OXCT1: variants seen among roughly 807,000 people sequenced by gnomAD.
The protein encoded by OXCT1 is succinyl-CoA:3-ketoacid coenzyme A transferase 1, mitochondrial.
In OXCT1, 27 loss-of-function variants were observed where a neutral mutation model predicts 69.6. That is an observed-to-expected ratio of 0.39 (90% CI 0.29 to 0.54). The LOEUF (loss-of-function observed/expected upper bound fraction) is 0.54. Ranked by LOEUF, OXCT1 falls within the 20% of genes least tolerant of loss-of-function variation. OXCT1 has a pLI of 0.72. For missense variants in OXCT1, 437 were observed against 650.2 expected, an observed-to-expected ratio of 0.67 and a Z score of 3.57; for synonymous variants, 202 against 217.8, an observed-to-expected ratio of 0.93 and a Z score of 0.64.
chr5:41,744,893 C>G (rs747707805), intron 15 of OXCT1, among the ~76,000 whole-genome samples: 1 of 152,036 alleles, frequency 6.6e-6, no homozygotes, highest in Non-Finnish European at 1.5e-5. Context: ...TATATATGCA[C>G]CCAATACAGG....
At position 41,819,130 on chromosome 5, in the gene OXCT1, T is replaced by A. The variant is rs141380049; in HGVS notation, c.733-11692A>T. Among the ~76,000 whole-genome samples, 1,293 of 152,246 alleles carry A rather than the reference T, an allele frequency of 8.5e-3. 21 individuals carry two copies. Among genetic ancestry groups the A allele is most frequent in the African/African-American group, 0.03 (1,241 of 41,538 alleles). On this transcript the variant is annotated intron_variant, in intron 7 of 16. Coordinates refer to ENST00000196371, the MANE Select transcript of OXCT1 (RefSeq NM_000436.4). ...GACTTTAAAATCATAAGTTATATTC[T>A]TAACACAAACATGAAATAAATCGAT...
chr5:41,759,560 A>C (rs1404623932), intron 14 of OXCT1, among the ~76,000 whole-genome samples: 1 of 152,088 alleles, frequency 6.6e-6, no homozygotes, highest in Non-Finnish European at 1.5e-5. Flanking sequence ...AGGTAGTCTG[A>C]GGGCAGGTGT....
In OXCT1 at chr5:41,862,706, C is replaced by T. The variant is rs1223763692; in HGVS notation, c.123G>A (p.Lys41=). 4.3e-6 allele frequency: 7 copies of T among 1,612,688 alleles called. No individual in the cohort carries two copies. Among genetic ancestry groups the T allele is most frequent in the Admixed American group, 1.7e-5 (1 of 59,930 alleles). Residue 41 remains lysine, a synonymous_variant, in exon 2 of 17, where the codon AAG becomes AAA. Transcript: ENST00000196371. ...SFSTSAHRHT[K]FYTDPVEAVK... Reference sequence around the variant, plus strand: ...CAGCTTCTACTGGATCTGTATAAAACTTGGTATGGCGATGAGCACTGGTGG... The same window carrying T: ...CAGCTTCTACTGGATCTGTATAAAATTTGGTATGGCGATGAGCACTGGTGG...
intron 3 of OXCT1, among the ~76,000 whole-genome samples, chr5:41,855,326 T>C (rs1425308733): frequency 6.6e-6 from 1 of 152,144 alleles, no homozygotes; most frequent in African/African-American, 2.4e-5. Flanking sequence ...TCATGTTCCA[T>C]TTATCTATCT....
Position 41,803,053 on chromosome 5 carries a change from C to G in OXCT1, c.1050+16G>C. 6.4e-7 allele frequency: 1 copy of G among 1,569,566 alleles called. No individual in the cohort carries two copies. Among genetic ancestry groups the G allele is most frequent in the Non-Finnish European group, 8.8e-7 (1 of 1,140,244 alleles). On this transcript the variant is annotated intron_variant, in intron 10 of 16. Coordinates refer to ENST00000196371, the MANE Select transcript of OXCT1 (RefSeq NM_000436.4). Reference sequence around the variant, plus strand: ...TTCATTAAGACTGGATTTTAGAAAACAAATTTTCATCTTACCAAACCCAGA... The same window carrying G: ...TTCATTAAGACTGGATTTTAGAAAAGAAATTTTCATCTTACCAAACCCAGA...
chr5:41,746,572 C>G (rs553790248), intron 15 of OXCT1, among the ~76,000 whole-genome samples: 4 of 152,120 alleles, frequency 2.6e-5, no homozygotes, highest in South Asian at 4.1e-4. Context: ...AAGTTCCAGA[C>G]GTAGATGCTC....
chr5:41,813,553 C>G (rs192306050), intron 7 of OXCT1, among the ~76,000 whole-genome samples: 1 of 152,074 alleles, frequency 6.6e-6, no homozygotes, highest in Non-Finnish European at 1.5e-5. Context: ...CTTTGTCCTA[C>G]GCTGTTCAGT....
chr5:41,842,658 TA>T lies in OXCT1; in HGVS notation c.671+16del, dbSNP rs1358949769. On this transcript the variant is annotated intron_variant, in intron 6 of 16. Coordinates refer to ENST00000196371, the MANE Select transcript of OXCT1 (RefSeq NM_000436.4). ...AGTTGCTGATATGCACGAGTGTTTT[TA>T]AAACTATCACAATACCTGAAAATCA... 7.0e-6 allele frequency: 11 copies of T among 1,576,056 alleles called. No individual in the cohort carries two copies. Among genetic ancestry groups the T allele is most frequent in the Non-Finnish European group, 8.7e-6 (10 of 1,145,512 alleles).
intron 13 of OXCT1, among the ~76,000 whole-genome samples, chr5:41,791,923 C>CCT (rs1255299704): frequency 6.6e-6 from 1 of 152,182 alleles, no homozygotes; most frequent in Non-Finnish European, 1.5e-5. Context: ...CCTGCCTCAG[C>CCT]CTCTCGAGTA....
chr5:41,846,787 G>C (rs563581553), intron 5 of OXCT1, among the ~76,000 whole-genome samples: 1 of 152,272 alleles, frequency 6.6e-6, no homozygotes, highest in Non-Finnish European at 1.5e-5. Flanking sequence ...ATCCTCTCCA[G>C]CACTTGTTGT....
intron 7 of OXCT1, among the ~76,000 whole-genome samples, chr5:41,817,893 A>T (rs1009032537): frequency 6.6e-6 from 1 of 152,256 alleles, no homozygotes; most frequent in Non-Finnish European, 1.5e-5. Flanking sequence ...GTGGCACATT[A>T]TCAAGTCTCT....
chr5:41,762,942 A>G lies in OXCT1; in HGVS notation c.1249-742T>C, dbSNP rs1358984445. Among the ~76,000 whole-genome samples the G allele has an allele frequency of 1.3e-5, 2 of 152,094 alleles. No individual in the cohort carries two copies. The highest frequency in any genetic ancestry group is 2.9e-5 in the Non-Finnish European group (2 of 68,004). ...CTGTCTCCTGCTTACAGAGTTCTGG[A>G]AAAAGCAAGTGTTTCCAGAGATGAT... On this transcript the variant is annotated intron_variant, in intron 13 of 16. Transcript: ENST00000196371. The surrounding 1 kb of genome is among the most constrained non-coding windows in gnomAD (Gnocchi z 4.0).
At chr5:41,807,045 A>G (rs1270627648) in intron 8 of OXCT1, among the ~76,000 whole-genome samples, 4 of 152,116 alleles carry the variant, frequency 2.6e-5, no homozygotes, top group Non-Finnish European at 5.9e-5. Flanking sequence ...TAAGACAGCC[A>G]GAAAAACTAC....
chr5:41,846,791 T>C (rs1430240419), intron 5 of OXCT1, among the ~76,000 whole-genome samples: 2 of 152,092 alleles, frequency 1.3e-5, no homozygotes, highest in Non-Finnish European at 2.9e-5. Context: ...TCTCCAGCAC[T>C]TGTTGTTTCC....
intron 1 of OXCT1, among the ~76,000 whole-genome samples, chr5:41,867,716 C>T (rs570793759): frequency 1.3e-5 from 2 of 152,180 alleles, no homozygotes; most frequent in Non-Finnish European, 2.9e-5. Flanking sequence ...GTGAAGTTCA[C>T]CAGTTGCACC....
intron 3 of OXCT1, chr5:41,853,812 G>A (rs1749304132): frequency 1.8e-6 from 1 of 540,722 alleles, no homozygotes; most frequent in Non-Finnish European, 3.4e-6. Context: ...CAAGGTCTTG[G>A]GCAGTAAGGG....
At chr5:41,790,074 A>G (rs762480046) in intron 13 of OXCT1, among the ~76,000 whole-genome samples, 5 of 152,018 alleles carry the variant, frequency 3.3e-5, no homozygotes, top group Admixed American at 6.5e-5. Flanking sequence ...AAAAAACACC[A>G]AAAGTGTCCC....
intron 7 of OXCT1, among the ~76,000 whole-genome samples, chr5:41,816,392 T>C (rs1255525177): frequency 1.3e-5 from 2 of 152,224 alleles, no homozygotes; most frequent in Non-Finnish European, 2.9e-5. Context: ...GTTTATCACA[T>C]TTCAACTATG....
intron 14 of OXCT1, among the ~76,000 whole-genome samples, chr5:41,752,420 G>A (rs1208889228): frequency 6.6e-6 from 1 of 152,024 alleles, no homozygotes; most frequent in Non-Finnish European, 1.5e-5. Flanking sequence ...ATGAAGGGTT[G>A]TCAGAAAAGG....
Sources: allele counts gnomAD v4.1 joint callset (sites outside exome capture counted in the v4.1 genomes callset), GRCh38; gene constraint gnomAD v4.1.1; non-coding constraint Gnocchi (gnomAD v3.1); transcripts MANE v1.5; gene names NCBI Gene and HGNC (gene_info 2026-07-23, HGNC 2026-07-21).